The following CSMD1 variants were observed in gnomAD, a reference collection of about 807,000 sequenced individuals.
CSMD1 encodes CUB and sushi domain-containing protein 1.
A neutral mutation model predicts 417.5 loss-of-function variants in CSMD1; 213 were observed. The ratio of observed to expected loss-of-function variants is 0.51; its 90% CI spans 0.46 to 0.57. CSMD1 has a LOEUF of 0.57. CSMD1 is among the 20% of genes least tolerant of loss of function. The pLI, the probability that CSMD1 is intolerant of heterozygous loss-of-function variation, is 0.00. For missense variants in CSMD1, 6,923 were observed against 4,529.7 expected, an observed-to-expected ratio of 1.53 and a Z score of -15.17; for synonymous variants, 2,862 against 1,736.8, an observed-to-expected ratio of 1.65 and a Z score of -16.11.
intron 2 of CSMD1, among the ~76,000 whole-genome samples, chr8:4,446,807 G>A (rs538969820): frequency 6.7e-6 from 1 of 149,050 alleles, no homozygotes; most frequent in Non-Finnish European, 1.5e-5. Context: ...ATTTTTAGTA[G>A]AGCCAAGTTT....
intron 5 of CSMD1, among the ~76,000 whole-genome samples, chr8:3,806,056 A>T (rs569580079): frequency 2.8e-4 from 43 of 152,244 alleles, no homozygotes; most frequent in Middle Eastern, 3.4e-3. Context: ...ATGGATTTTA[A>T]TTTATAATTG....
At chr8:3,528,249 T>C (rs565603601) in intron 10 of CSMD1, among the ~76,000 whole-genome samples, 50 of 152,368 alleles carry the variant, frequency 3.3e-4, no homozygotes, top group African/African-American at 1.1e-3. Flanking sequence ...TGGAAAGGGA[T>C]AGACACATCT....
At chr8:4,613,859 C>CAAAAAAAA (rs1585332130) in intron 2 of CSMD1, among the ~76,000 whole-genome samples, 1 of 58,284 alleles carries the variant, frequency 1.7e-5, no homozygotes. Flanking sequence ...CTGTCTAATG[C>CAAAAAAAA]CAAAAAAAAA....
At chr8:4,422,007 T>G (rs557068354) in intron 2 of CSMD1, among the ~76,000 whole-genome samples, 1 of 152,014 alleles carries the variant, frequency 6.6e-6, no homozygotes, top group African/African-American at 2.4e-5. Context: ...ATAATAAAAG[T>G]TACTACAGAA....
intron 1 of CSMD1, among the ~76,000 whole-genome samples, chr8:4,663,492 G>C (rs188977426): frequency 8.8e-4 from 134 of 152,228 alleles, no homozygotes; most frequent in Non-Finnish European, 1.5e-3. Flanking sequence ...TTGAATCATG[G>C]GCACAGATAT....
intron 3 of CSMD1, among the ~76,000 whole-genome samples, chr8:4,300,156 A>C (rs1261882617): frequency 6.6e-6 from 1 of 152,144 alleles, no homozygotes; most frequent in African/African-American, 2.4e-5. Context: ...TCTTTCATAA[A>C]AACAACAACA....
rs1022925462 is a variant in CSMD1 at position 4,031,660 on chromosome 8, A to G, written c.610+245T>C. On this transcript the variant is annotated intron_variant, in intron 4 of 69. Coordinates refer to ENST00000635120, the MANE Select transcript of CSMD1 (RefSeq NM_033225.6). Reference sequence around the variant, plus strand: ...TCTCGTATAACATGTAATATTATATATTATTACTTATCACATGTTATTACT... The same window carrying G: ...TCTCGTATAACATGTAATATTATATGTTATTACTTATCACATGTTATTACT... Among the ~76,000 whole-genome samples the G allele has an allele frequency of 3.9e-5, 6 of 152,250 alleles. No homozygotes were observed. The East Asian group carries it at 5.8e-4, about 15-fold the overall frequency.
At chr8:3,001,936 A>C (rs748558758) in intron 52 of CSMD1, among the ~76,000 whole-genome samples, 77 of 151,076 alleles carry the variant, frequency 5.1e-4, no homozygotes, top group Non-Finnish European at 8.2e-4. Flanking sequence ...GCTTAAAACA[A>C]AGTTTAGAAA....
intron 23 of CSMD1, among the ~76,000 whole-genome samples, chr8:3,340,134 T>C (rs746909194): frequency 2.0e-5 from 3 of 152,226 alleles, no homozygotes; most frequent in Middle Eastern, 3.4e-3. Flanking sequence ...TCGTTGAAAA[T>C]AAGTTCATCA....
In CSMD1 at chr8:4,363,523, A is replaced by G. The variant is rs181755876; in HGVS notation, c.415+56430T>C. Reference sequence around the variant, plus strand: ...TACTTTTATTGTTTGCAAAGCTAAGAAAGAAGAGCAATAACTCCCTCCCTA... The same window carrying G: ...TACTTTTATTGTTTGCAAAGCTAAGGAAGAAGAGCAATAACTCCCTCCCTA... On this transcript the variant is annotated intron_variant, in intron 3 of 69. Transcript: ENST00000635120. Among the ~76,000 whole-genome samples, 105 of 152,304 alleles carry G rather than the reference A, an allele frequency of 6.9e-4. 4 individuals are homozygous for G. In the East Asian group the frequency reaches 0.013, roughly 19 times the overall value.
intron 5 of CSMD1, among the ~76,000 whole-genome samples, chr8:3,908,145 C>G (rs931674849): frequency 1.5e-3 from 226 of 152,244 alleles, no homozygotes; most frequent in African/African-American, 5.1e-3. Flanking sequence ...ACATGGCAAT[C>G]ACTATAAACC....
At chr8:3,201,350 T>G (rs2116728324) in intron 32 of CSMD1, among the ~76,000 whole-genome samples, 1 of 152,282 alleles carries the variant, frequency 6.6e-6, no homozygotes, top group Admixed American at 6.5e-5. Flanking sequence ...ACCCTCTTTT[T>G]CGGATCTTTG....
chr8:4,274,364 T>A (rs1197791498), intron 3 of CSMD1, among the ~76,000 whole-genome samples: 4 of 152,148 alleles, frequency 2.6e-5, no homozygotes, highest in African/African-American at 9.6e-5. Flanking sequence ...TTTTCTAAAC[T>A]ATGAGCACAA....
At chr8:3,414,661 G>T (rs1813016888) in intron 12 of CSMD1, among the ~76,000 whole-genome samples, 1 of 152,124 alleles carries the variant, frequency 6.6e-6, no homozygotes, top group African/African-American at 2.4e-5. Flanking sequence ...CAGGACTCAG[G>T]AACCATGTGT....
intron 3 of CSMD1, among the ~76,000 whole-genome samples, chr8:4,115,634 G>A (rs1222300634): frequency 5.3e-5 from 8 of 152,094 alleles, no homozygotes; most frequent in African/African-American, 1.7e-4. Context: ...ACACTTACCT[G>A]AATGTTTATA....
chr8:4,242,821 G>A (rs546251997), intron 3 of CSMD1, among the ~76,000 whole-genome samples: 15 of 152,242 alleles, frequency 9.9e-5, no homozygotes, highest in Non-Finnish European at 1.5e-4. Context: ...ATTCACCAAC[G>A]ACATGTGACT....
chr8:4,282,458 T>C (rs554679392), intron 3 of CSMD1, among the ~76,000 whole-genome samples: 18 of 152,338 alleles, frequency 1.2e-4, no homozygotes, highest in African/African-American at 4.3e-4. Context: ...GAGGACGGAA[T>C]GGTGCCATTT....
chr8:4,565,873 G>C (rs1193220010), intron 2 of CSMD1, among the ~76,000 whole-genome samples: 1 of 147,574 alleles, frequency 6.8e-6, no homozygotes, highest in Non-Finnish European at 1.5e-5. Context: ...TTCTTCTTCT[G>C]TTGAAAGAAA....
At chr8:4,166,089 C>T (rs1407967300) in intron 3 of CSMD1, among the ~76,000 whole-genome samples, 3 of 152,148 alleles carry the variant, frequency 2.0e-5, no homozygotes, top group South Asian at 4.1e-4. Context: ...TAATTACATT[C>T]TTAATGATGA....
Sources: gnomAD v4.1 joint callset for allele counts (sites outside exome capture counted in the v4.1 genomes callset) on GRCh38, gnomAD v4.1.1 for gene constraint, MANE v1.5 for transcripts, NCBI Gene and HGNC (gene_info 2026-07-23, HGNC 2026-07-21) for gene names.